Variants in MAF observed in about 807,000 individuals in gnomAD.
MAF encodes the protein MAF bZIP transcription factor.
MAF carries 10 observed loss-of-function variants against 22.0 expected under a neutral mutation model. The ratio of observed to expected loss-of-function variants is 0.45; its 90% CI spans 0.28 to 0.77. The LOEUF is 0.77. Ranked by LOEUF, MAF falls within the 30% of genes least tolerant of loss-of-function variation. The probability of loss-of-function intolerance (pLI) is 0.12; values close to 1 mark genes in which losing one functional copy is unlikely to be tolerated. For synonymous variants in MAF, 337 were observed against 255.8 expected (o/e 1.32, Z -3.03); for missense variants, 544 against 548.4 (o/e 0.99, Z 0.08).
chr16:79,473,156 G>C, the MAF span, among the ~76,000 whole-genome samples: 1 of 152,106 alleles, frequency 6.6e-6, no homozygotes, highest in African/African-American at 2.4e-5. Context: ...TCAGCGTAGG[G>C]ATAGTCCAGA....
Position 79,594,308 on chromosome 16 carries a change from G to T in MAF, c.*152C>A, listed in dbSNP as rs527548886. ...ATGAAACCCCCAGACAAGAGGCATA[G>T]TTAACTACTACATTTAATAGCCTTC... On this transcript the variant is annotated 3_prime_UTR_variant, in exon 2 of 2. Transcript: ENST00000326043. 2 of 752,112 alleles carry T rather than the reference G, an allele frequency of 2.7e-6. No homozygotes were observed. Among genetic ancestry groups the T allele is most frequent in the East Asian group, 2.7e-5 (1 of 36,778 alleles). The allele number at this position is 752,112 out of a possible 1,614,324, so 46.6% of individuals were successfully genotyped here.
chr16:79,565,576 T>G, the MAF span, among the ~76,000 whole-genome samples: 1 of 152,060 alleles, frequency 6.6e-6, no homozygotes, highest in Non-Finnish European at 1.5e-5. Context: ...CTTGTGATAG[T>G]GAGTTCTCAT....
the MAF span, among the ~76,000 whole-genome samples, chr16:79,207,152 C>T: frequency 2.2e-4 from 33 of 152,158 alleles, 1 homozygote; most frequent in Non-Finnish European, 7.4e-5. Flanking sequence ...CTCACCCCCT[C>T]ATCTCCACCG....
chr16:79,211,552 C>T, the MAF span: 8 of 1,610,646 alleles, frequency 5.0e-6, no homozygotes, highest in African/African-American at 5.3e-5. Context: ...GAAATGACGC[C>T]ATCTCATCAC....
At chr16:79,346,918 A>G in the MAF span, among the ~76,000 whole-genome samples, 1 of 152,170 alleles carries the variant, frequency 6.6e-6, no homozygotes, top group Non-Finnish European at 1.5e-5. Context: ...AAATAATCCC[A>G]TTAGGTTTAT....
chr16:79,539,285 C>A, the MAF span, among the ~76,000 whole-genome samples: 1 of 152,204 alleles, frequency 6.6e-6, no homozygotes, highest in African/African-American at 2.4e-5. Flanking sequence ...GGGTGGATAA[C>A]CTGAGGGCAG....
At chr16:79,430,449 T>G in the MAF span, among the ~76,000 whole-genome samples, 1 of 152,306 alleles carries the variant, frequency 6.6e-6, no homozygotes, top group South Asian at 2.1e-4. Flanking sequence ...ACTCCCTGAT[T>G]TAGGCTGTCA....
the MAF span, among the ~76,000 whole-genome samples, chr16:79,235,459 G>C: frequency 6.6e-6 from 1 of 151,994 alleles, no homozygotes; most frequent in Non-Finnish European, 1.5e-5. Flanking sequence ...CTACACTGGA[G>C]GGAGGCTGAG....
At chr16:79,468,053 C>T in the MAF span, among the ~76,000 whole-genome samples, 1 of 152,150 alleles carries the variant, frequency 6.6e-6, no homozygotes, top group Non-Finnish European at 1.5e-5. Context: ...GAATGTGTCA[C>T]TGAGCAGACC....
the MAF span, among the ~76,000 whole-genome samples, chr16:79,507,995 T>C: frequency 1.8e-3 from 281 of 152,200 alleles, 7 homozygotes; most frequent in East Asian, 0.049. Context: ...AGTCCTGCAG[T>C]GTGAGAGGAT....
chr16:79,524,402 A>G, the MAF span, among the ~76,000 whole-genome samples: 1 of 152,196 alleles, frequency 6.6e-6, no homozygotes, highest in Non-Finnish European at 1.5e-5. Context: ...CAACTGGCAA[A>G]TGAAACTTAT....
the MAF span, among the ~76,000 whole-genome samples, chr16:79,275,685 T>C: frequency 1.1e-4 from 16 of 152,332 alleles, no homozygotes; most frequent in Admixed American, 9.1e-4. Context: ...TTTTTTTATT[T>C]GGAAAATATG....
chr16:79,398,703 T>C, the MAF span, among the ~76,000 whole-genome samples: 140,090 of 152,088 alleles, frequency 0.92, 65,310 homozygotes, highest in East Asian at 1. Flanking sequence ...GGACTTGACC[T>C]CCCCATCCAT....
At chr16:79,572,507 G>C in the MAF span, among the ~76,000 whole-genome samples, 2 of 152,152 alleles carry the variant, frequency 1.3e-5, no homozygotes, top group African/African-American at 4.8e-5. Flanking sequence ...CTGGTGGAGA[G>C]CTCAGAGCAA....
At chr16:79,439,595 G>C in the MAF span, among the ~76,000 whole-genome samples, 2 of 152,066 alleles carry the variant, frequency 1.3e-5, no homozygotes, top group Admixed American at 1.3e-4. Flanking sequence ...TCTTGCTCTG[G>C]ATAAGAAAAC....
At chr16:79,396,875 T>C in the MAF span, among the ~76,000 whole-genome samples, 3 of 152,334 alleles carry the variant, frequency 2.0e-5, no homozygotes, top group African/African-American at 7.2e-5. Context: ...TAACACACAT[T>C]GTAAGCACTC....
chr16:79,533,796 G>A, the MAF span, among the ~76,000 whole-genome samples: 1 of 152,118 alleles, frequency 6.6e-6, no homozygotes, highest in South Asian at 2.1e-4. Flanking sequence ...GTGAGGATGT[G>A]GAGAGATGAA....
chr16:79,554,438 CAA>C, the MAF span, among the ~76,000 whole-genome samples: 3 of 152,100 alleles, frequency 2.0e-5, no homozygotes, highest in Non-Finnish European at 4.4e-5. Flanking sequence ...GGAAAAGACT[CAA>C]GAGAATTTGA....
At chr16:79,339,123 G>A in the MAF span, among the ~76,000 whole-genome samples, 11 of 151,746 alleles carry the variant, frequency 7.2e-5, no homozygotes, top group East Asian at 1.9e-4. Flanking sequence ...AGGCTGGAGC[G>A]CAGTGGCACC....
Sources: allele counts gnomAD v4.1 joint callset (sites outside exome capture counted in the v4.1 genomes callset), GRCh38; gene constraint gnomAD v4.1.1; transcripts MANE v1.5; gene names NCBI Gene and HGNC (gene_info 2026-07-23, HGNC 2026-07-21).